The following SDK2 variants were observed in gnomAD, a reference collection of about 807,000 sequenced individuals.
The protein encoded by SDK2 is sidekick cell adhesion molecule 2, also known as protein sidekick-2.
SDK2 carries 105 observed loss-of-function variants against 253.9 expected under a neutral mutation model. That is an observed-to-expected ratio of 0.41 (90% CI 0.35 to 0.49). The LOEUF is 0.49. SDK2 is among the 20% of genes least tolerant of loss of function. The probability of loss-of-function intolerance (pLI) is 0.06; values close to 1 mark genes in which losing one functional copy is unlikely to be tolerated. For synonymous variants in SDK2, 1,249 were observed against 1,234.9 expected (o/e 1.01, Z -0.24); for missense variants, 2,608 against 3,003.0 (o/e 0.87, Z 3.07).
chr17:73,366,138 G>A (rs905729807), intron 37 of SDK2, among the ~76,000 whole-genome samples: 6 of 152,292 alleles, frequency 3.9e-5, no homozygotes, highest in Admixed American at 6.5e-5. Context: ...GAGCTAATCC[G>A]GACCTGCTTC....
chr17:73,335,019 G>C lies in SDK2; in HGVS notation c.*3568C>G, dbSNP rs932473618. 1 of 152,520 alleles carries C rather than the reference G, an allele frequency of 6.6e-6. No homozygotes were observed. Among genetic ancestry groups the C allele is most frequent in the Non-Finnish European group, 1.5e-5 (1 of 68,264 alleles). The allele number at this position is 152,520 out of a possible 1,614,324, so 9.4% of individuals were successfully genotyped here. A position where few individuals can be genotyped will look rare whatever the true frequency, so the allele number is the denominator to read the frequency against. ...AAGGCCTTGAGGCAGCGTGCACCAGGTGGGGGCAGCCCCCGCTGTGTCCTT... is the reference window on the plus strand; with the variant it reads ...AAGGCCTTGAGGCAGCGTGCACCAGCTGGGGGCAGCCCCCGCTGTGTCCTT... On this transcript the variant is annotated 3_prime_UTR_variant, in exon 45 of 45. Coordinates refer to ENST00000392650, the MANE Select transcript of SDK2 (RefSeq NM_001144952.2).
Position 73,359,356 on chromosome 17 carries a change from C to T in SDK2, c.5468-1152G>A, listed in dbSNP as rs565903691. ...GCCCCGCCTGGCCCCTATGCCCACC[C>T]CACAGCATTGGAGGGCACCATTTCC... On this transcript the variant is annotated intron_variant, in intron 39 of 44. Coordinates refer to ENST00000392650, the MANE Select transcript of SDK2 (RefSeq NM_001144952.2). Among the ~76,000 whole-genome samples, 3 of 152,316 alleles carry T rather than the reference C, an allele frequency of 2.0e-5. No homozygotes were observed. The South Asian group carries it at 6.2e-4, about 32-fold the overall frequency.
intron 18 of SDK2, among the ~76,000 whole-genome samples, chr17:73,408,176 C>G (rs574206540): frequency 2.0e-5 from 3 of 151,166 alleles, no homozygotes; most frequent in African/African-American, 7.3e-5. Context: ...CTCAGCCTCC[C>G]GAGTAGCTGA....
At chr17:73,482,278 A>AAAG (rs1555588038) in intron 2 of SDK2, among the ~76,000 whole-genome samples, 3,638 of 150,906 alleles carry the variant, frequency 0.024, 124 homozygotes, top group African/African-American at 0.073. Context: ...TCAAAAAAAA[A>AAAG]AAGAAGAAGA....
In SDK2 at chr17:73,383,137, C is replaced by A. The variant is rs571734487; in HGVS notation, c.4705+739G>T. ...CCCCGAGTCTGTGCCTCGGTTCCAA[C>A]CTCCTGCTCTCTTGCCACGTGACTG... On this transcript the variant is annotated intron_variant, in intron 33 of 44. Transcript: ENST00000392650. The surrounding 1 kb of genome is among the most constrained non-coding windows in gnomAD (Gnocchi z 4.3). Among the ~76,000 whole-genome samples the A allele has an allele frequency of 4.8e-4, 73 of 152,346 alleles. 1 individual carries two copies. The highest frequency in any genetic ancestry group is 3.4e-3 in the Middle Eastern group (1 of 294).
chr17:73,510,771 C>T (rs903711038), intron 1 of SDK2, among the ~76,000 whole-genome samples: 10 of 152,294 alleles, frequency 6.6e-5, no homozygotes, highest in Admixed American at 1.3e-4. Context: ...TGGGATTAGA[C>T]GCCTGAGCCA....
chr17:73,507,323 G>T, intron 2 of SDK2, 115 bp downstream of exon 2: 2 of 1,149,200 alleles, frequency 1.7e-6, no homozygotes, highest in Non-Finnish European at 2.4e-6. Context: ...AGAACTCCAG[G>T]CTCTAGGAGC....
At chr17:73,598,282 T>C (rs971342020) in intron 1 of SDK2, among the ~76,000 whole-genome samples, 2 of 151,972 alleles carry the variant, frequency 1.3e-5, no homozygotes, top group African/African-American at 4.8e-5. Flanking sequence ...GGGGCGTGAG[T>C]TCCTAGACGC....
intron 19 of SDK2, 94 bp downstream of exon 19, chr17:73,401,852 C>T: frequency 2.1e-6 from 3 of 1,405,396 alleles, no homozygotes; most frequent in Non-Finnish European, 2.9e-6. Flanking sequence ...GTATCTCAGC[C>T]TGGGAGACAA....
chr17:73,537,363 T>A (rs1052068414), intron 1 of SDK2, among the ~76,000 whole-genome samples: 99 of 152,200 alleles, frequency 6.5e-4, no homozygotes, highest in African/African-American at 2.3e-3. Context: ...CCTTCAGAAC[T>A]CGGTGGCTCA....
chr17:73,350,537 G>T, intron 42 of SDK2, 113 bp downstream of exon 42: 1 of 1,409,974 alleles, frequency 7.1e-7, no homozygotes, highest in Non-Finnish European at 9.6e-7. Context: ...CCACCCACCA[G>T]AGCAGGTGCG....
Position 73,616,433 on chromosome 17 carries a change from T to C in SDK2, c.64+27592A>G, listed in dbSNP as rs1035454177. ...CAAGCAACGGTGATTTCCTTTCACT[T>C]GGGCAGGCTGACCGTGGCCTCAAGG... On this transcript the variant is annotated intron_variant, in intron 1 of 44. Transcript: ENST00000392650. The surrounding 1 kb of genome is among the most constrained non-coding windows in gnomAD (Gnocchi z 5.2). Among the ~76,000 whole-genome samples, 2 of 151,940 alleles carry C rather than the reference T, an allele frequency of 1.3e-5. No individual in the cohort carries two copies. The highest frequency in any genetic ancestry group is 2.9e-5 in the Non-Finnish European group (2 of 67,974).
chr17:73,419,299 G>T lies in SDK2; in HGVS notation c.2053C>A (p.Leu685Ile). The change falls in exon 16 of 45, where the codon CTC becomes ATC. Residue 685 changes from leucine (L) to isoleucine (I), a missense_variant. By Grantham distance (5) the Leu-to-Ile change is conservative (BLOSUM62 2). This residue lies in a region of SDK2 where 1,505 missense variants were observed against 1,859.1 expected (regional missense o/e 0.81). Transcript: ENST00000392650. ...QFSKDTERVS[L>I]PEEPPTAPPQ... ...GGGGCCGTGGGGGGCTCCTCGGGGA[G>T]GGAGACCCTGGATCACAAAACACCA... The T allele has an allele frequency of 6.2e-7, 1 of 1,611,700 alleles. No individual in the cohort carries two copies. Among genetic ancestry groups the T allele is most frequent in the South Asian group, 1.1e-5 (1 of 90,548 alleles).
chr17:73,377,159 C>T (rs916977687), intron 36 of SDK2, among the ~76,000 whole-genome samples: 1 of 150,706 alleles, frequency 6.6e-6, no homozygotes, highest in Non-Finnish European at 1.5e-5. Context: ...GGGAGGCAGA[C>T]ACAGCTAAGG....
intron 3 of SDK2, among the ~76,000 whole-genome samples, chr17:73,461,375 G>A (rs1050382644): frequency 5.9e-5 from 9 of 152,244 alleles, no homozygotes; most frequent in Non-Finnish European, 8.8e-5. Context: ...AAAAGCAAAC[G>A]TTTGGTGATG....
chr17:73,625,075 C>T (rs1025306573), intron 1 of SDK2, among the ~76,000 whole-genome samples: 4 of 152,332 alleles, frequency 2.6e-5, no homozygotes, highest in Non-Finnish European at 5.9e-5. Flanking sequence ...TCCCATAACT[C>T]ACAAGCAGCA....
chr17:73,452,440 T>C (rs1157175573), intron 4 of SDK2, among the ~76,000 whole-genome samples: 1 of 152,128 alleles, frequency 6.6e-6, no homozygotes, highest in Non-Finnish European at 1.5e-5. Flanking sequence ...GGTAGGAATA[T>C]TGCGGTGGTG....
chr17:73,421,478 G>A (rs564983746), intron 15 of SDK2, among the ~76,000 whole-genome samples: 118 of 152,236 alleles, frequency 7.8e-4, no homozygotes, highest in African/African-American at 2.8e-3. Flanking sequence ...CTTGTTCTAC[G>A]GAGCTGGAGA....
At position 73,483,643 on chromosome 17, in the gene SDK2, G is replaced by A. The variant is rs1182912536; in HGVS notation, c.225-11425C>T. Among the ~76,000 whole-genome samples the A allele has an allele frequency of 3.0e-4, 8 of 26,444 alleles. No homozygotes were observed. In the East Asian group the frequency reaches 4.0e-3, roughly 13 times the overall value. 17.3% of individuals were successfully genotyped at this position (26,444 alleles called of 152,430 possible). On this transcript the variant is annotated intron_variant, in intron 2 of 44. Coordinates refer to ENST00000392650, the MANE Select transcript of SDK2 (RefSeq NM_001144952.2). ...TATATATGTATATGTATATATATAT[G>A]TGTGTGTGTGTGTGTGTGTATATAT...
Sources: allele counts gnomAD v4.1 joint callset (sites outside exome capture counted in the v4.1 genomes callset), GRCh38; gene constraint gnomAD v4.1.1; regional missense constraint gnomAD v4.1.1; non-coding constraint Gnocchi (gnomAD v3.1); transcripts MANE v1.5; gene names NCBI Gene and HGNC (gene_info 2026-07-23, HGNC 2026-07-21).